IARS1: variants seen among roughly 807,000 people sequenced by gnomAD.
The protein encoded by IARS1 is isoleucine--tRNA ligase, cytoplasmic.
In IARS1, 124 loss-of-function variants were observed where a neutral mutation model predicts 168.2. The observed-to-expected ratio is 0.74, with a 90% CI of 0.64 to 0.86. The LOEUF is 0.86. Ranked by LOEUF, IARS1 falls within the 40% of genes least tolerant of loss-of-function variation. IARS1 has a pLI of 0.00. For missense variants in IARS1, 1,452 were observed against 1,515.8 expected (o/e 0.96, Z 0.70); for synonymous variants, 532 against 529.4 (o/e 1.00, Z -0.07).
intron 17 of IARS1, among the ~76,000 whole-genome samples, chr9:92,260,622 T>C (rs978279438): frequency 2.8e-4 from 42 of 152,120 alleles, no homozygotes; most frequent in African/African-American, 9.7e-4. Context: ...GCCACTACAC[T>C]CTAGCCTGGG....
At chr9:92,235,685 C>T (rs1250625164) in intron 30 of IARS1, among the ~76,000 whole-genome samples, 1 of 151,702 alleles carries the variant, frequency 6.6e-6, no homozygotes, top group Non-Finnish European at 1.5e-5. Context: ...CGCCACCATG[C>T]CCGGCTAATT....
intron 21 of IARS1, among the ~76,000 whole-genome samples, chr9:92,252,764 CAAAAAAAAAAAAAAAAAA>C (rs34983021): frequency 2.2e-4 from 6 of 27,238 alleles, no homozygotes; most frequent in South Asian, 2.1e-3. Flanking sequence ...AACTCCTTCT[CAAAAAAAAAAAAAAAAAA>C]AAAAAAAAAA....
At chr9:92,270,651 C>A (rs541921707) in intron 12 of IARS1, among the ~76,000 whole-genome samples, 2 of 151,976 alleles carry the variant, frequency 1.3e-5, no homozygotes, top group Non-Finnish European at 2.9e-5. Flanking sequence ...AAAAATCAGC[C>A]GGGTGTGATG....
intron 31 of IARS1, among the ~76,000 whole-genome samples, chr9:92,225,662 G>C (rs1825563981): frequency 6.6e-6 from 1 of 151,494 alleles, no homozygotes; most frequent in South Asian, 2.1e-4. Flanking sequence ...AGATCACAAT[G>C]GGGTGAACTA....
chr9:92,285,138 C>T (rs2133973825), intron 6 of IARS1, among the ~76,000 whole-genome samples: 1 of 152,250 alleles, frequency 6.6e-6, no homozygotes, highest in Admixed American at 6.5e-5. Flanking sequence ...GAAAACAACT[C>T]AGTATACACA....
intron 31 of IARS1, among the ~76,000 whole-genome samples, chr9:92,227,889 C>T (rs1282751287): frequency 2.0e-5 from 3 of 151,192 alleles, no homozygotes; most frequent in East Asian, 2.0e-4. Flanking sequence ...ACATCCCAGA[C>T]GATTGGCAGC....
At chr9:92,289,765 T>C (rs559109839) in intron 1 of IARS1, among the ~76,000 whole-genome samples, 3 of 152,340 alleles carry the variant, frequency 2.0e-5, no homozygotes, top group African/African-American at 7.2e-5. Flanking sequence ...GATTTACCTA[T>C]TCTGGACATT....
intron 10 of IARS1, among the ~76,000 whole-genome samples, chr9:92,273,144 A>AC (rs1406213452): frequency 6.6e-6 from 1 of 151,718 alleles, no homozygotes; most frequent in African/African-American, 2.4e-5. Context: ...AAAAAAAAAA[A>AC]AAAAACCCCT....
At position 92,223,379 on chromosome 9, in the gene IARS1, T is replaced by C. The variant is rs144431665; in HGVS notation, c.3520A>G (p.Ile1174Val). 45 of 1,613,786 alleles carry C rather than the reference T, an allele frequency of 2.8e-5. No homozygotes were observed. The highest frequency in any genetic ancestry group is 3.7e-5 in the Non-Finnish European group (44 of 1,179,850). ...NSSSTLLCQY[I>V]NLQLLNAKPQ... is the part of the protein sequence containing the mutation. ...TTTGCATTCAGGAGCTGTAGGTTGA[T>C]ATACTGACAAAGAAGAGTACTAGAA... The change falls in exon 32 of 34, where the codon ATC becomes GTC. Residue 1174 changes from isoleucine to valine, a missense_variant. Ile to Val is a conservative substitution (Grantham distance 29). Coordinates refer to ENST00000443024, the MANE Select transcript of IARS1 (RefSeq NM_002161.6).
At chr9:92,225,365 A>G (rs1016018347) in intron 31 of IARS1, among the ~76,000 whole-genome samples, 2 of 151,878 alleles carry the variant, frequency 1.3e-5, no homozygotes, top group Non-Finnish European at 2.9e-5. Flanking sequence ...TTATTTTTCC[A>G]CTCTCTTATT....
chr9:92,240,862 C>A lies in IARS1; in HGVS notation c.3277G>T (p.Glu1093Ter). The part of the protein sequence containing the change: ...VNLNICANGS[E>*]QGGVLLLENP... ...TCATGGAATTTACTCTTACCTTGTTCACTGCCATTTGCACAAATGTTAAGA... is the reference window on the plus strand; with the variant it reads ...TCATGGAATTTACTCTTACCTTGTTAACTGCCATTTGCACAAATGTTAAGA... Residue 1093 changes from glutamate to a stop codon, truncating the protein, a stop_gained, in exon 30 of 34, where the codon GAA becomes TAA. Transcript: ENST00000443024. LOFTEE classifies it high-confidence loss of function. 1 of 1,598,170 alleles carries A rather than the reference C, an allele frequency of 6.3e-7. No homozygotes were observed. The highest frequency in any genetic ancestry group is 1.1e-5 in the South Asian group (1 of 90,720).
At position 92,288,167 on chromosome 9, in the gene IARS1, C is replaced by T; in HGVS notation, c.235G>A (p.Val79Ile). The T allele has an allele frequency of 6.2e-7, 1 of 1,614,076 alleles. No homozygotes were observed. Among genetic ancestry groups the T allele is most frequent in the South Asian group, 1.1e-5 (1 of 91,064 alleles). The change falls in exon 3 of 34, where the codon GTT becomes ATT. Residue 79 changes from valine to isoleucine, a missense_variant. Transcript: ENST00000443024. ...TRYAHQSGFH[V>I]DRRFGWDCHG... The stretch of plus-strand genomic sequence containing the variant: ...CAATCCCATCCAAATCTTCTGTCAA[C>T]ATGAAACCCACTCTGGTGAGCATAT...
rs757851293 is a variant in IARS1 at position 92,254,864 on chromosome 9, G to A, written c.2138-1411C>T. Among the ~76,000 whole-genome samples the A allele has an allele frequency of 5.3e-5, 8 of 152,146 alleles. No individual in the cohort carries two copies. The South Asian group carries it at 6.2e-4, about 12-fold the overall frequency. ...GCCGGCAGAACCGGGACTTAAACAC[G>A]GCCCACAAAACGTGGCTGCCGATCT... On this transcript the variant is annotated intron_variant, in intron 20 of 33. Transcript: ENST00000443024.
intron 20 of IARS1, among the ~76,000 whole-genome samples, chr9:92,255,016 C>T (rs1201095249): frequency 6.6e-6 from 1 of 152,194 alleles, no homozygotes; most frequent in East Asian, 1.9e-4. Flanking sequence ...GTTTCCCACC[C>T]ACTTGTATCA....
intron 22 of IARS1, among the ~76,000 whole-genome samples, chr9:92,251,470 A>T (rs1323159235): frequency 6.6e-6 from 1 of 152,218 alleles, no homozygotes; most frequent in African/African-American, 2.4e-5. Context: ...GTATTAGCTG[A>T]AGAACCTCCC....
intron 33 of IARS1, among the ~76,000 whole-genome samples, chr9:92,218,203 A>G (rs1163872048): frequency 3.4e-5 from 5 of 146,374 alleles, no homozygotes; most frequent in Non-Finnish European, 6.1e-5. Context: ...ATGCAGAAAA[A>G]GCCTTTGACA....
intron 33 of IARS1, among the ~76,000 whole-genome samples, chr9:92,217,746 G>A (rs1245381437): frequency 3.9e-5 from 6 of 152,122 alleles, no homozygotes; most frequent in Non-Finnish European, 8.8e-5. Context: ...TCTCTGAATA[G>A]ACCAATAACA....
rs918041078 is a variant in IARS1 at position 92,250,562 on chromosome 9, C to T, written c.2429+151G>A. On this transcript the variant is annotated intron_variant, in intron 23 of 33. Coordinates refer to ENST00000443024, the MANE Select transcript of IARS1 (RefSeq NM_002161.6). ...CTTGCTACCGTGTACCAAAGTGGGC[C>T]CCATCCTGCAGCCTGAGGAGTTCAT... The T allele has an allele frequency of 1.6e-5, 14 of 855,280 alleles. No individual in the cohort carries two copies. In the Admixed American group the frequency reaches 3.3e-4, roughly 20 times the overall value. 53.0% of individuals were successfully genotyped at this position (855,280 alleles called of 1,614,324 possible). A position where few individuals can be genotyped will look rare whatever the true frequency, so the allele number is the denominator to read the frequency against.
At chr9:92,274,009 T>C (rs1172291125) in intron 10 of IARS1, among the ~76,000 whole-genome samples, 1 of 152,218 alleles carries the variant, frequency 6.6e-6, no homozygotes, top group Admixed American at 6.5e-5. Context: ...ACAAATTACA[T>C]AAAAAGGAAT....
Sources: gnomAD v4.1 joint callset for allele counts (sites outside exome capture counted in the v4.1 genomes callset) on GRCh38, gnomAD v4.1.1 for gene constraint, MANE v1.5 for transcripts, NCBI Gene and HGNC (gene_info 2026-07-23, HGNC 2026-07-21) for gene names.